The following NAV1 variants were observed in gnomAD, a reference collection of about 807,000 sequenced individuals.
NAV1 encodes pore membrane and/or filament interacting like protein 3.
In NAV1, 18 loss-of-function variants were observed where a neutral mutation model predicts 175.2. That is an observed-to-expected ratio of 0.10 (90% CI 0.07 to 0.15). The LOEUF is 0.15. Ranked by LOEUF, NAV1 falls within the 10% of genes least tolerant of loss-of-function variation. The probability of loss-of-function intolerance (pLI) is 1.00; values close to 1 mark genes in which losing one functional copy is unlikely to be tolerated. For missense variants in NAV1, 1,731 were observed against 2,436.6 expected, an observed-to-expected ratio of 0.71 and a Z score of 6.10; for synonymous variants, 897 against 978.7, an observed-to-expected ratio of 0.92 and a Z score of 1.56.
chr1:201,672,229 A>G (rs1416388949), intron 1 of NAV1, among the ~76,000 whole-genome samples: 4 of 152,242 alleles, frequency 2.6e-5, no homozygotes, highest in Admixed American at 2.6e-4. Context: ...GTTTTATGAA[A>G]CAATACTATG....
chr1:201,696,850 C>T (rs112151897), intron 1 of NAV1, among the ~76,000 whole-genome samples: 1 of 152,198 alleles, frequency 6.6e-6, no homozygotes, highest in East Asian at 1.9e-4. Flanking sequence ...CTCATACTTA[C>T]CTCAGCCGCT....
At chr1:201,823,844 C>T (rs1679522327) in exon 30 of NAV1, 1 of 152,174 alleles carries the variant, frequency 6.6e-6, no homozygotes, top group Non-Finnish European at 1.5e-5. Flanking sequence ...GGGATAACCC[C>T]TTACAGTGGT....
intron 1 of NAV1, among the ~76,000 whole-genome samples, chr1:201,540,535 C>A (rs1419443495): frequency 6.6e-6 from 1 of 152,164 alleles, no homozygotes; most frequent in African/African-American, 2.4e-5. Context: ...AGAATGGCCT[C>A]CCCAGGAGGA....
intron 28 of NAV1, 89 bp from the exon 33 acceptor site, chr1:201,816,999 T>C: frequency 8.1e-7 from 1 of 1,234,150 alleles, no homozygotes; most frequent in Admixed American, 2.1e-5. Flanking sequence ...TTAAGGAGCC[T>C]ATTTTTTGTA....
chr1:201,571,606 G>C (rs1374017696), intron 1 of NAV1, among the ~76,000 whole-genome samples: 1 of 152,164 alleles, frequency 6.6e-6, no homozygotes, highest in African/African-American at 2.4e-5. Flanking sequence ...CTGGCTATGG[G>C]TGCCCAGCAG....
At chr1:201,577,515 A>G (rs1375153849) in intron 1 of NAV1, among the ~76,000 whole-genome samples, 1 of 131,058 alleles carries the variant, frequency 7.6e-6, no homozygotes, top group Non-Finnish European at 1.6e-5. Flanking sequence ...ATGTCCAATC[A>G]CTCCAGCACC....
At chr1:201,756,128 T>G (rs369314321) in intron 3 of NAV1, among the ~76,000 whole-genome samples, 405 of 121,674 alleles carry the variant, frequency 3.3e-3, no homozygotes, top group African/African-American at 0.012. Context: ...AAAAAAAAAG[T>G]GGTGTAGGGT....
At chr1:201,661,427 A>G (rs1189767754) in intron 1 of NAV1, among the ~76,000 whole-genome samples, 1 of 152,226 alleles carries the variant, frequency 6.6e-6, no homozygotes, top group Non-Finnish European at 1.5e-5. Context: ...TGGAGCTTCA[A>G]GAAGAGCCTC....
chr1:201,716,209 T>C (rs193115736), intron 2 of NAV1, among the ~76,000 whole-genome samples: 138 of 152,282 alleles, frequency 9.1e-4, no homozygotes, highest in African/African-American at 3.3e-3. Flanking sequence ...CCTCTTAGTA[T>C]GGTTAGCATC....
intron 3 of NAV1, among the ~76,000 whole-genome samples, chr1:201,763,581 C>G (rs898877568): frequency 6.6e-6 from 1 of 152,168 alleles, no homozygotes; most frequent in Non-Finnish European, 1.5e-5. Flanking sequence ...CAAATTGTGG[C>G]CAGCCGAGTC....
At chr1:201,790,481 A>G in intron 11 of NAV1, 73 bp from the exon 16 acceptor site, 1 of 1,556,404 alleles carries the variant, frequency 6.4e-7, no homozygotes, top group Non-Finnish European at 8.9e-7. Flanking sequence ...TGCCACTGGG[A>G]CCTGACTTCT....
intron 1 of NAV1, among the ~76,000 whole-genome samples, chr1:201,654,089 G>A (rs544073568): frequency 2.6e-5 from 4 of 152,266 alleles, no homozygotes; most frequent in South Asian, 4.2e-4. Context: ...TGAGAGTACC[G>A]CATGGATGAA....
intron 3 of NAV1, among the ~76,000 whole-genome samples, chr1:201,744,152 G>A (rs1000209958): frequency 6.6e-6 from 1 of 152,222 alleles, no homozygotes; most frequent in Non-Finnish European, 1.5e-5. Flanking sequence ...CAAAGTGCTG[G>A]GATTACAGGC....
intron 3 of NAV1, among the ~76,000 whole-genome samples, chr1:201,748,793 C>T (rs1558123957): frequency 6.6e-6 from 1 of 152,120 alleles, no homozygotes; most frequent in Non-Finnish European, 1.5e-5. Context: ...CTGGTTTTGA[C>T]GTAGTAGTCT....
chr1:201,665,299 C>T (rs1999779), intron 1 of NAV1, among the ~76,000 whole-genome samples: 45,618 of 151,692 alleles, frequency 0.3, 7,163 homozygotes, highest in Admixed American at 0.41. Context: ...GCCTCTTTTC[C>T]GAGGCCAGCT....
chr1:201,757,253 C>G (rs1674570118), intron 3 of NAV1, among the ~76,000 whole-genome samples: 1 of 152,112 alleles, frequency 6.6e-6, no homozygotes. Flanking sequence ...CAGTTTCTTT[C>G]TTTTTTCTTT....
At chr1:201,779,813 A>T (rs1446522126) in intron 3 of NAV1, among the ~76,000 whole-genome samples, 1 of 152,064 alleles carries the variant, frequency 6.6e-6, no homozygotes, top group Non-Finnish European at 1.5e-5. Context: ...ATTCAGCACA[A>T]ATTTGGCCCC....
Position 201,740,170 on chromosome 1 carries a change from GC to G in NAV1, c.1226+21417del, listed in dbSNP as rs1327509206. 8.6e-6 allele frequency: 9 copies of G among 1,046,134 alleles called. No individual in the cohort carries two copies. Among genetic ancestry groups the G allele is most frequent in the African/African-American group, 1.7e-5 (1 of 59,598 alleles). The allele number at this position is 1,046,134 out of a possible 1,614,324, so 64.8% of individuals were successfully genotyped here. A position where few individuals can be genotyped will look rare whatever the true frequency, so the allele number is the denominator to read the frequency against. ...AGCCCCGCCGCAGCCCCCCAGTTCC[GC>G]CGCAGCTGCAGTCTCAGGGGCAGTG... On this transcript the variant is annotated intron_variant, in intron 3 of 29. Coordinates refer to ENST00000367296, the Ensembl canonical transcript of NAV1. This position sits in a 1 kb window ranked among gnomAD's most constrained non-coding sequence, Gnocchi z 4.7.
intron 1 of NAV1, among the ~76,000 whole-genome samples, chr1:201,683,892 T>C (rs1334289304): frequency 1.3e-5 from 2 of 150,762 alleles, no homozygotes; most frequent in Non-Finnish European, 2.9e-5. Flanking sequence ...AGCGTCCACC[T>C]AAATTCTTCT....
Sources: allele counts gnomAD v4.1 joint callset (sites outside exome capture counted in the v4.1 genomes callset), GRCh38; gene constraint gnomAD v4.1.1; non-coding constraint Gnocchi (gnomAD v3.1); transcripts MANE v1.5; gene names NCBI Gene and HGNC (gene_info 2026-07-23, HGNC 2026-07-21).